The following DDX17 variants were observed in gnomAD, a reference collection of about 807,000 sequenced individuals.
DDX17 encodes probable ATP-dependent RNA helicase DDX17.
A neutral mutation model predicts 80.8 loss-of-function variants in DDX17; 10 were observed. The ratio of observed to expected loss-of-function variants is 0.12; its 90% CI spans 0.08 to 0.21. DDX17 has a LOEUF of 0.21. Among genes scored for constraint, DDX17 ranks in the 10% least tolerant of loss-of-function variants. The pLI, the probability that DDX17 is intolerant of heterozygous loss-of-function variation, is 1.00. For missense variants in DDX17, 586 were observed against 957.4 expected, an observed-to-expected ratio of 0.61 and a Z score of 5.12; for synonymous variants, 339 against 336.2, an observed-to-expected ratio of 1.01 and a Z score of -0.09.
intron 11 of DDX17, chr22:38,490,143 A>C (rs2089698798): frequency 8.6e-7 from 1 of 1,157,354 alleles, no homozygotes; most frequent in Non-Finnish European, 1.1e-6. Context: ...GCAAGCGCAG[A>C]ATTTGGTTTT....
intron 1 of DDX17, among the ~76,000 whole-genome samples, chr22:38,503,455 CTATT>C (rs1299743154): frequency 6.6e-6 from 1 of 152,082 alleles, no homozygotes; most frequent in East Asian, 1.9e-4. Flanking sequence ...ACTTCCCTGG[CTATT>C]TATTCAAGAC....
Position 38,499,514 on chromosome 22 carries a change from T to G in DDX17, c.439-15A>C, listed in dbSNP as rs769205961. 13 of 1,564,196 alleles carry G rather than the reference T, an allele frequency of 8.3e-6. No homozygotes were observed. Among genetic ancestry groups the G allele is most frequent in the South Asian group, 7.8e-5 (7 of 89,550 alleles). On this transcript the variant is annotated splice_polypyrimidine_tract_variant and intron_variant, in intron 2 of 12. Transcript: ENST00000403230. ...TCAACCTCATACTATTGAAAAAAAA[T>G]GAAAGAAGTTAGTAAACTAGTTATT...
chr22:38,494,114 T>C lies in DDX17; in HGVS notation c.1232A>G (p.Glu411Gly). 1 of 1,613,258 alleles carries C rather than the reference T, an allele frequency of 6.2e-7. No individual in the cohort carries two copies. Among genetic ancestry groups the C allele is most frequent in the Non-Finnish European group, 8.5e-7 (1 of 1,179,312 alleles). The change falls in exon 9 of 13, where the codon GAA becomes GGA. Residue 411 changes from glutamate (E) to glycine (G), a missense_variant. Physicochemically the swap from Glu to Gly is moderately conservative, Grantham distance 98. Transcript: ENST00000403230. The stretch of plus-strand genomic sequence containing the variant: ...GTTTTCCTTTTCAGCCATTATTTCT[T>C]CCATTAGTTGGATCAACCTGAAAAC...
At chr22:38,500,283 CAAGAG>C (rs2089814456) in intron 2 of DDX17, among the ~76,000 whole-genome samples, 1 of 151,850 alleles carries the variant, frequency 6.6e-6, no homozygotes, top group South Asian at 2.1e-4. Flanking sequence ...GCATTATCAA[CAAGAG>C]AACAAATTAA....
intron 10 of DDX17, among the ~76,000 whole-genome samples, chr22:38,492,676 G>A (rs1220597343): frequency 6.6e-6 from 1 of 152,086 alleles, no homozygotes; most frequent in East Asian, 1.9e-4. Flanking sequence ...AGTAGAGACG[G>A]GGTTTCTCCA....
intron 10 of DDX17, 141 bp from the exon 11 acceptor site, chr22:38,492,256 C>A: frequency 1.6e-6 from 1 of 609,712 alleles, no homozygotes; most frequent in East Asian, 3.0e-5. Context: ...TTTTGAAAAT[C>A]TTTATTACAC....
chr22:38,488,160 G>T (rs1569137299), intron 11 of DDX17, 45 bp from the exon 12 acceptor site: 1 of 1,612,392 alleles, frequency 6.2e-7, no homozygotes, highest in Non-Finnish European at 8.5e-7. Context: ...ATGTGGCAGG[G>T]AAAGAGAAGG....
chr22:38,506,082 C>A lies in DDX17; in HGVS notation c.156G>T (p.Ser52=). 1 of 1,579,870 alleles carries A rather than the reference C, an allele frequency of 6.3e-7. No homozygotes were observed. The highest frequency in any genetic ancestry group is 2.3e-5 in the East Asian group (1 of 43,284). ...CCTGCGGCTCCGGTCTGGTGACGAC[C>A]GATGGCGGCGGCGCCTCCGCTGTTG... Residue 52 remains serine (S), a synonymous_variant, in exon 1 of 13, where the codon TCG becomes TCT. Transcript: ENST00000403230.
Position 38,499,463 on chromosome 22 carries a change from T to C in DDX17, c.475A>G (p.Thr159Ala). The change falls in exon 3 of 13, where the codon ACA becomes GCA. Residue 159 changes from threonine (T) to alanine (A), a missense_variant. Coordinates refer to ENST00000403230, the MANE Select transcript of DDX17 (RefSeq NM_006386.5). The stretch of plus-strand genomic sequence containing the variant: ...GGACAAACATCTCCCCCCCTCACTG[T>C]AATCTCCTTCTTTCGGCGTAGCTCA... 6.2e-7 allele frequency: 1 copy of C among 1,614,130 alleles called. No individual in the cohort carries two copies. The highest frequency in any genetic ancestry group is 8.5e-7 in the Non-Finnish European group (1 of 1,179,980).
In DDX17 at chr22:38,484,247, G is replaced by A. The variant is rs1000643673; in HGVS notation, c.*1688C>T. ...CTTGGCCTCAACTTCTGTAAGATGGGGGGGGGACAAAAAGAGAAGTAAAGT... is the reference window on the plus strand; with the variant it reads ...CTTGGCCTCAACTTCTGTAAGATGGAGGGGGGACAAAAAGAGAAGTAAAGT... On this transcript the variant is annotated 3_prime_UTR_variant, in exon 13 of 13. Coordinates refer to ENST00000403230, the MANE Select transcript of DDX17 (RefSeq NM_006386.5). 3.3e-5 allele frequency: 5 copies of A among 150,310 alleles called. No individual in the cohort carries two copies. Among genetic ancestry groups the A allele is most frequent in the Admixed American group, 6.6e-5 (1 of 15,076 alleles). The allele number at this position is 150,310 out of a possible 1,614,324, so 9.3% of individuals were successfully genotyped here.
At position 38,499,494 on chromosome 22, in the gene DDX17, C is replaced by T. The variant is rs1202328150; in HGVS notation, c.444G>A (p.Glu148=). The T allele has an allele frequency of 3.1e-6, 5 of 1,609,148 alleles. No homozygotes were observed. The highest frequency in any genetic ancestry group is 1.3e-5 in the African/African-American group (1 of 74,418). ...CCTTCTTTCGGCGTAGCTCATCAAC[C>T]TCATACTATTGAAAAAAAATGAAAG... The change falls in exon 3 of 13, where the codon GAG becomes GAA. Residue 148 remains glutamate, a synonymous_variant. Coordinates refer to ENST00000403230, the MANE Select transcript of DDX17 (RefSeq NM_006386.5).
chr22:38,500,980 A>AG, intron 2 of DDX17, 150 bp downstream of exon 2: 1 of 1,109,328 alleles, frequency 9.0e-7, no homozygotes, highest in Non-Finnish European at 1.2e-6. Flanking sequence ...AAAGGAAAAA[A>AG]AAAAAAAAAT....
intron 11 of DDX17, chr22:38,488,724 G>C: frequency 1.0e-6 from 1 of 986,470 alleles, no homozygotes; most frequent in Middle Eastern, 5.2e-4. Context: ...AAGCTGTTAA[G>C]TACACACCTA....
intron 1 of DDX17, among the ~76,000 whole-genome samples, chr22:38,501,525 G>A (rs2089830762): frequency 6.6e-6 from 1 of 152,154 alleles, no homozygotes; most frequent in Non-Finnish European, 1.5e-5. Flanking sequence ...TTTATTGAGA[G>A]AAATACATCC....
In DDX17 at chr22:38,483,782, A is replaced by C. The variant is rs2089625835; in HGVS notation, c.*2153T>G. 1 of 152,266 alleles carries C rather than the reference A, an allele frequency of 6.6e-6. No individual in the cohort carries two copies. The highest frequency in any genetic ancestry group is 1.5e-5 in the Non-Finnish European group (1 of 68,052). The allele number at this position is 152,266 out of a possible 1,614,324, so 9.4% of individuals were successfully genotyped here. A position where few individuals can be genotyped will look rare whatever the true frequency, so the allele number is the denominator to read the frequency against. ...AACCATGAATGCAATAACTAGCATA[A>C]AACGATTCTTCTGCTCATGTTCTGA... On this transcript the variant is annotated 3_prime_UTR_variant, in exon 13 of 13. Coordinates refer to ENST00000403230, the MANE Select transcript of DDX17 (RefSeq NM_006386.5).
rs751143866 is a variant in DDX17 at position 38,485,927 on chromosome 22, G to T, written c.*8C>A. Reference sequence around the variant, plus strand: ...AAGTCTGCTGGAGTCACTACCACTTGAGTGGTTTCATTTACGTGAAGGAGG... The same window carrying T: ...AAGTCTGCTGGAGTCACTACCACTTTAGTGGTTTCATTTACGTGAAGGAGG... On this transcript the variant is annotated 3_prime_UTR_variant, in exon 13 of 13. Coordinates refer to ENST00000403230, the MANE Select transcript of DDX17 (RefSeq NM_006386.5). 2 of 1,613,492 alleles carry T rather than the reference G, an allele frequency of 1.2e-6. No individual in the cohort carries two copies. Among genetic ancestry groups the T allele is most frequent in the Non-Finnish European group, 1.7e-6 (2 of 1,179,864 alleles).
At chr22:38,486,854 C>G (rs946723726) in intron 12 of DDX17, among the ~76,000 whole-genome samples, 1 of 152,140 alleles carries the variant, frequency 6.6e-6, no homozygotes, top group Non-Finnish European at 1.5e-5. Context: ...TAATATACTA[C>G]TAAGCATTTT....
At chr22:38,490,014 C>T (rs2089697663) in intron 11 of DDX17, 1 of 1,043,012 alleles carries the variant, frequency 9.6e-7, no homozygotes, top group Non-Finnish European at 1.2e-6. Context: ...AGTTCACATG[C>T]TAATACTTGG....
rs2089648296 is a variant in DDX17, at chr22:38,485,688, ATATATATTTT to A, written c.*237_*246del. On this transcript the variant is annotated 3_prime_UTR_variant, in exon 13 of 13. Transcript: ENST00000403230. ...CTCTTCCAGTCAGCTATATATATAT[ATATATATTTT>A]TTTTTTTTTTACAAAATGTTATTCC... 6 of 57,078 alleles carry A rather than the reference ATATATATTTT, an allele frequency of 1.1e-4. 1 individual carries two copies. The Admixed American group carries it at 1.2e-3, about 11-fold the overall frequency. The allele number at this position is 57,078 out of a possible 1,614,324, so 3.5% of individuals were successfully genotyped here.
Sources: gnomAD v4.1 joint callset for allele counts (sites outside exome capture counted in the v4.1 genomes callset) on GRCh38, gnomAD v4.1.1 for gene constraint, MANE v1.5 for transcripts, NCBI Gene and HGNC (gene_info 2026-07-23, HGNC 2026-07-21) for gene names.